Variants in PCNX4 observed in about 807,000 individuals in gnomAD.
PCNX4 encodes the protein pecanex-like protein 4.
Under a neutral mutation model 107.2 loss-of-function variants are expected in PCNX4, and 103 were observed. The observed-to-expected ratio is 0.96, with a 90% CI of 0.82 to 1.13. The LOEUF (loss-of-function observed/expected upper bound fraction) is 1.13, where lower values mean the gene tolerates loss of function less well. Ranked by LOEUF, PCNX4 falls within the 50% of genes most tolerant of loss-of-function variation. PCNX4 has a pLI of 0.00. For missense variants in PCNX4, 1,528 were observed against 1,379.4 expected (o/e 1.11, Z -1.71); for synonymous variants, 541 against 481.7 (o/e 1.12, Z -1.61).
rs1305589009 is a variant in PCNX4, at chr14:60,125,681, T to C, written c.3125T>C (p.Ile1042Thr). The change falls in exon 10 of 11, where the codon ATA becomes ACA. Residue 1042 changes from isoleucine to threonine, a missense_variant. Coordinates refer to ENST00000406854, the MANE Select transcript of PCNX4 (RefSeq NM_001330177.2). ...ATTGATAAAGCAAGTTTAGGTCCAA[T>C]AGAAGACTTTAGAGAACTGATTAAG... is the stretch of plus-strand genomic sequence containing the variant. Reference protein sequence around the residue: ...LMIDKASLGPIEDFRELIKYL... With the variant: ...LMIDKASLGPTEDFRELIKYL... The C allele has an allele frequency of 6.3e-7, 1 of 1,586,902 alleles. No individual in the cohort carries two copies. Among genetic ancestry groups the C allele is most frequent in the East Asian group, 2.3e-5 (1 of 44,044 alleles).
At chr14:60,102,309 TATG>T (rs1374969122) in intron 1 of PCNX4, among the ~76,000 whole-genome samples, 2 of 122,242 alleles carry the variant, frequency 1.6e-5, no homozygotes, top group African/African-American at 5.3e-5. Flanking sequence ...ATAAAAATAA[TATG>T]ATAGATTTAA....
At position 60,141,626 on chromosome 14, in the gene PCNX4, A is replaced by G. The variant is rs1896306983; in HGVS notation, c.*7405A>G. On this transcript the variant is annotated 3_prime_UTR_variant, in exon 11 of 11. Transcript: ENST00000406854. ...TAAAGAATTAAATTCATAATTTAAA[A>G]TCTCCTGATAAAAGAAATCTCCAGA... is the stretch of plus-strand genomic sequence containing the variant. 7.3e-6 allele frequency: 1 copy of G among 136,882 alleles called. No individual in the cohort carries two copies. Among genetic ancestry groups the G allele is most frequent in the African/African-American group, 3.3e-5 (1 of 30,412 alleles). 8.5% of individuals were successfully genotyped at this position (136,882 alleles called of 1,614,324 possible). A position where few individuals can be genotyped will look rare whatever the true frequency, so the allele number is the denominator to read the frequency against.
At chr14:60,092,642 C>G (rs1228991803) in intron 1 of PCNX4, among the ~76,000 whole-genome samples, 1 of 152,202 alleles carries the variant, frequency 6.6e-6, no homozygotes, top group African/African-American at 2.4e-5. Context: ...ACTACTTTAG[C>G]CTGTTGAATT....
At position 60,125,072 on chromosome 14, in the gene PCNX4, A is replaced by G. The variant is rs1317845952; in HGVS notation, c.2901A>G (p.Leu967=). The G allele has an allele frequency of 3.1e-6, 5 of 1,613,454 alleles. No individual in the cohort carries two copies. The highest frequency in any genetic ancestry group is 4.2e-6 in the Non-Finnish European group (5 of 1,179,700). The change falls in exon 9 of 11, where the codon TTA becomes TTG. Residue 967 remains leucine (L), a synonymous_variant. Coordinates refer to ENST00000406854, the MANE Select transcript of PCNX4 (RefSeq NM_001330177.2). ...AAGAAATTGCCAAGGACAAAGTTTTAAAAGACTTTTATGTTCATACAGTAA... is the reference window on the plus strand; with the variant it reads ...AAGAAATTGCCAAGGACAAAGTTTTGAAAGACTTTTATGTTCATACAGTAA... ...VLEEIAKDKV[L]KDFYVHTVMT... is the part of the protein sequence containing the mutation.
chr14:60,096,009 A>G (rs887648343), intron 1 of PCNX4, among the ~76,000 whole-genome samples: 9 of 152,170 alleles, frequency 5.9e-5, no homozygotes, highest in Admixed American at 1.3e-4. Context: ...CATAACCATA[A>G]CAACACTGTA....
rs1595183022 is a variant in PCNX4, at chr14:60,135,984, G to C, written c.*1763G>C. ...GATAATAATGTCAAGCTATGCCTTC[G>C]CTTAACCTTGCATCCTCCTCAAAGT... On this transcript the variant is annotated 3_prime_UTR_variant, in exon 11 of 11. Transcript: ENST00000406854. The C allele has an allele frequency of 6.6e-6, 1 of 151,826 alleles. No individual in the cohort carries two copies. Among genetic ancestry groups the C allele is most frequent in the East Asian group, 1.9e-4 (1 of 5,180 alleles). The allele number at this position is 151,826 out of a possible 1,614,324, so 9.4% of individuals were successfully genotyped here.
intron 1 of PCNX4, among the ~76,000 whole-genome samples, chr14:60,102,545 A>G (rs1265610337): frequency 6.6e-6 from 1 of 152,208 alleles, no homozygotes; most frequent in Admixed American, 6.5e-5. Flanking sequence ...AATGTGTAAC[A>G]AATATGACTC....
chr14:60,123,230 C>T (rs1444708802), intron 8 of PCNX4, among the ~76,000 whole-genome samples: 1 of 152,078 alleles, frequency 6.6e-6, no homozygotes, highest in Non-Finnish European at 1.5e-5. Flanking sequence ...TAAAAATATA[C>T]TTTTTGGTGT....
rs943651084 is a variant in PCNX4 at position 60,128,908 on chromosome 14, A to AT, written c.3267+3094dup. Among the ~76,000 whole-genome samples, 67 of 151,582 alleles carry AT rather than the reference A, an allele frequency of 4.4e-4. No individual in the cohort carries two copies. In the South Asian group the frequency reaches 0.011, roughly 25 times the overall value. On this transcript the variant is annotated intron_variant, in intron 10 of 10. Coordinates refer to ENST00000406854, the MANE Select transcript of PCNX4 (RefSeq NM_001330177.2). ...ATCTACAGGAAGAAAGAGAAATAGC[A>AT]TTTTTTTTTAAGGTTAACATAAGGC...
chr14:60,096,228 ATGG>A (rs1895422089), intron 1 of PCNX4, among the ~76,000 whole-genome samples: 1 of 152,188 alleles, frequency 6.6e-6, no homozygotes, highest in Non-Finnish European at 1.5e-5. Flanking sequence ...CATTTTTATG[ATGG>A]TGCAGGTCCT....
At chr14:60,097,022 G>A (rs1595158004) in intron 1 of PCNX4, among the ~76,000 whole-genome samples, 1 of 146,906 alleles carries the variant, frequency 6.8e-6, no homozygotes, top group Non-Finnish European at 1.5e-5. Flanking sequence ...CTTGCCTCAT[G>A]TTTTCCAATT....
At chr14:60,108,384 A>T in intron 2 of PCNX4, 57 bp downstream of exon 2, 1 of 1,307,578 alleles carries the variant, frequency 7.6e-7, no homozygotes, top group East Asian at 2.3e-5. Context: ...ACAGAGTAAG[A>T]GAGCTTTCCT....
chr14:60,111,051 G>T (rs1345054873), intron 2 of PCNX4: 1 of 166,850 alleles, frequency 6.0e-6, no homozygotes, highest in Non-Finnish European at 1.5e-5. Flanking sequence ...GCAGCCATGT[G>T]TAAGCCAGGA....
intron 1 of PCNX4, among the ~76,000 whole-genome samples, chr14:60,101,224 A>G (rs906780004): frequency 6.6e-6 from 1 of 152,166 alleles, no homozygotes; most frequent in African/African-American, 2.4e-5. Context: ...AATGTATTTG[A>G]TGTCTTATGC....
At chr14:60,104,228 A>T (rs2140534655) in intron 1 of PCNX4, among the ~76,000 whole-genome samples, 1 of 150,306 alleles carries the variant, frequency 6.7e-6, no homozygotes, top group South Asian at 2.1e-4. Flanking sequence ...CTGAGGCAGG[A>T]GAATCGCTTG....
At position 60,115,191 on chromosome 14, in the gene PCNX4, T is replaced by G; in HGVS notation, c.1087T>G (p.Leu363Val). Residue 363 changes from leucine (L) to valine (V), a missense_variant, in exon 4 of 11, where the codon TTA becomes GTA. By Grantham distance (32) the Leu-to-Val change is conservative. Transcript: ENST00000406854. ...GGAATGCCTTTTCTACATCATTATA[T>G]TAGTCTTGGCTCTTTTAGAAACTAG... is the stretch of plus-strand genomic sequence containing the variant. ...WKECLFYIII[L>V]VLALLETSLL... 1 of 1,613,606 alleles carries G rather than the reference T, an allele frequency of 6.2e-7. No homozygotes were observed. Among genetic ancestry groups the G allele is most frequent in the South Asian group, 1.1e-5 (1 of 91,074 alleles).
Position 60,138,600 on chromosome 14 carries a change from T to C in PCNX4, c.*4379T>C, listed in dbSNP as rs980360230. 6.6e-6 allele frequency: 1 copy of C among 152,138 alleles called. No individual in the cohort carries two copies. The highest frequency in any genetic ancestry group is 1.5e-5 in the Non-Finnish European group (1 of 68,020). The allele number at this position is 152,138 out of a possible 1,614,324, so 9.4% of individuals were successfully genotyped here. A position where few individuals can be genotyped will look rare whatever the true frequency, so the allele number is the denominator to read the frequency against. ...ATTTTCAGGTTACTGAAAGAAAATA[T>C]CTGCAATTTTAGAATTCAATACCCA... On this transcript the variant is annotated 3_prime_UTR_variant, in exon 11 of 11. Coordinates refer to ENST00000406854, the MANE Select transcript of PCNX4 (RefSeq NM_001330177.2).
chr14:60,105,916 G>T (rs549564864), intron 1 of PCNX4, among the ~76,000 whole-genome samples: 1 of 152,224 alleles, frequency 6.6e-6, no homozygotes, highest in East Asian at 1.9e-4. Flanking sequence ...ATCCCTCCAA[G>T]TTCATTTTCC....
In PCNX4 at chr14:60,118,453, T is replaced by C. The variant is rs765687054; in HGVS notation, c.1703T>C (p.Leu568Pro). The C allele has an allele frequency of 5.6e-6, 9 of 1,613,650 alleles. No homozygotes were observed. The Admixed American group carries it at 1.5e-4, about 27-fold the overall frequency. Residue 568 changes from leucine (L) to proline (P), a missense_variant, in exon 7 of 11, where the codon CTC (leucine) becomes CCC (proline). Transcript: ENST00000406854. ...RRKTTATLCI[L>P]NIVFSPFVLV... ...AAAACAACTGCCACTTTATGTATAC[T>C]CAACATTGTCTTTTCTCCATTCGTG...
Sources: allele counts gnomAD v4.1 joint callset (sites outside exome capture counted in the v4.1 genomes callset), GRCh38; gene constraint gnomAD v4.1.1; transcripts MANE v1.5; gene names NCBI Gene and HGNC (gene_info 2026-07-23, HGNC 2026-07-21).